The following PCDHA1 variants were observed in gnomAD, a reference collection of about 807,000 sequenced individuals.
PCDHA1 encodes protocadherin alpha 1.
In PCDHA1, 42 loss-of-function variants were observed where a neutral mutation model predicts 61.3. The observed-to-expected ratio is 0.69, with a 90% CI of 0.54 to 0.89. PCDHA1 has a LOEUF of 0.89. PCDHA1 is among the 40% of genes least tolerant of loss of function. PCDHA1 has a pLI of 0.00. For missense variants in PCDHA1, 1,256 were observed against 1,235.3 expected (o/e 1.02, Z -0.25); for synonymous variants, 610 against 553.8 (o/e 1.10, Z -1.43).
At chr5:140,990,862 AT>A (rs2097420167) in intron 3 of PCDHA1, among the ~76,000 whole-genome samples, 1 of 152,198 alleles carries the variant, frequency 6.6e-6, no homozygotes, top group Non-Finnish European at 1.5e-5. Flanking sequence ...AGGACATTGT[AT>A]TTTAAGTGTA....
chr5:140,902,555 T>C (rs538054274), intron 1 of PCDHA1, among the ~76,000 whole-genome samples: 1 of 152,182 alleles, frequency 6.6e-6, no homozygotes, highest in Non-Finnish European at 1.5e-5. Flanking sequence ...TATACCCAGA[T>C]TTTTGAGGGT....
At chr5:140,846,383 T>C (rs1416297479) in intron 1 of PCDHA1, among the ~76,000 whole-genome samples, 1 of 137,386 alleles carries the variant, frequency 7.3e-6, no homozygotes, top group African/African-American at 2.6e-5. Flanking sequence ...CTTTTTTTTT[T>C]TTTTTTTTTG....
chr5:140,984,981 A>G (rs2097130201), intron 3 of PCDHA1, among the ~76,000 whole-genome samples: 1 of 151,972 alleles, frequency 6.6e-6, no homozygotes, highest in South Asian at 2.1e-4. Flanking sequence ...TCTGTCCCCC[A>G]GGCTGGAGTC....
intron 1 of PCDHA1, chr5:140,814,031 T>G (rs1554126362): frequency 6.5e-6 from 1 of 153,106 alleles, no homozygotes; most frequent in East Asian, 1.9e-4. Flanking sequence ...TAAATTAACC[T>G]TAGCTTACTG....
intron 1 of PCDHA1, among the ~76,000 whole-genome samples, chr5:140,902,484 G>T (rs1211102117): frequency 3.3e-5 from 5 of 152,096 alleles, no homozygotes; most frequent in African/African-American, 1.2e-4. Context: ...TGCCTGCTCA[G>T]TATGATACTA....
intron 1 of PCDHA1, chr5:140,851,862 A>G: frequency 2.0e-6 from 2 of 976,238 alleles, no homozygotes; most frequent in Non-Finnish European, 2.5e-6. Context: ...CAGCTCATAC[A>G]TAACACAAGG....
At chr5:140,875,600 C>A (rs2055640130) in intron 1 of PCDHA1, 5 of 1,613,766 alleles carry the variant, frequency 3.1e-6, no homozygotes, top group African/African-American at 1.3e-5. Flanking sequence ...AAACACGGCA[C>A]CTTCGTGGGC....
rs1554117644 is a variant in PCDHA1 at position 140,787,040 on chromosome 5, C to T, written c.750C>T (p.His250=). 1 of 1,614,086 alleles carries T rather than the reference C, an allele frequency of 6.2e-7. No homozygotes were observed. The highest frequency in any genetic ancestry group is 1.3e-5 in the African/African-American group (1 of 74,938). ...PLFDQAVYRV[H]LLETTANGTL... ...TTGACCAGGCCGTATACAGAGTCCA[C>T]TTGTTAGAGACTACAGCAAATGGAA... Residue 250 remains histidine, a synonymous_variant, in exon 1 of 4, where the codon CAC becomes CAT. Transcript: ENST00000504120.
chr5:140,964,949 G>A (rs1322269042), intron 1 of PCDHA1, among the ~76,000 whole-genome samples: 1 of 152,226 alleles, frequency 6.6e-6, no homozygotes, highest in Non-Finnish European at 1.5e-5. Flanking sequence ...TAGTGAGTGT[G>A]CTTGGTTGGT....
intron 1 of PCDHA1, chr5:140,930,181 T>C (rs1170637205): frequency 2.0e-5 from 3 of 152,216 alleles, no homozygotes; most frequent in African/African-American, 7.2e-5. Flanking sequence ...AGAGGAAAGA[T>C]GAGTAATTTT....
chr5:140,786,433 T>C lies in PCDHA1; in HGVS notation c.143T>C (p.Val48Ala), dbSNP rs1562127539. 3.1e-6 allele frequency: 5 copies of C among 1,613,364 alleles called. No individual in the cohort carries two copies. In the Admixed American group the frequency reaches 6.7e-5, roughly 22 times the overall value. Residue 48 changes from valine (V) to alanine (A), a missense_variant, in exon 1 of 4, where the codon GTT (valine) becomes GCT (alanine). Transcript: ENST00000504120. Reference sequence around the variant, plus strand: ...AAACACGGCACCTTCGTTGGCCGCGTTGCTCAGGACCTGGGACTGGAGCTG... The same window carrying C: ...AAACACGGCACCTTCGTTGGCCGCGCTGCTCAGGACCTGGGACTGGAGCTG... ...EAKHGTFVGR[V>A]AQDLGLELAE...
chr5:140,803,257 C>G (rs782417260), intron 1 of PCDHA1: 1 of 1,613,906 alleles, frequency 6.2e-7, no homozygotes, highest in South Asian at 1.1e-5. Context: ...GCTGGCGCCA[C>G]GGGCCCGGAA....
rs1554181471 is a variant in PCDHA1, at chr5:140,884,352, A to G, written c.2395-94597A>G. ...GTGGGTCCAGAAGCGGCGCTGGTGG[A>G]TGTCAATGTTTACTTGATCATTGCC... is the stretch of plus-strand genomic sequence containing the variant. On this transcript the variant is annotated intron_variant, in intron 1 of 3. Transcript: ENST00000504120. The G allele has an allele frequency of 2.5e-6, 4 of 1,613,710 alleles. No individual in the cohort carries two copies. The Admixed American group carries it at 5.0e-5, about 20-fold the overall frequency.
chr5:140,835,821 G>C (rs2150245813), intron 1 of PCDHA1: 5 of 1,612,596 alleles, frequency 3.1e-6, no homozygotes, highest in Admixed American at 1.7e-5. Context: ...TGTGTCGGCG[G>C]GGGACGCGGA....
At chr5:140,828,431 C>A in intron 1 of PCDHA1, 1 of 1,614,244 alleles carries the variant, frequency 6.2e-7, no homozygotes, top group Non-Finnish European at 8.5e-7. Context: ...GGACAGGCCG[C>A]TGCAGGTTTT....
intron 1 of PCDHA1, chr5:140,928,323 T>C: frequency 1.2e-6 from 2 of 1,614,178 alleles, no homozygotes; most frequent in Non-Finnish European, 1.7e-6. Context: ...TGGGGAAGAA[T>C]GGCCTTGTCT....
intron 1 of PCDHA1, among the ~76,000 whole-genome samples, chr5:140,934,646 T>C (rs1554210032): frequency 6.6e-6 from 1 of 152,116 alleles, no homozygotes; most frequent in African/African-American, 2.4e-5. Flanking sequence ...GCAGGATAAA[T>C]GTTTGATTCT....
intron 1 of PCDHA1, among the ~76,000 whole-genome samples, chr5:140,917,333 G>C (rs1301739777): frequency 6.7e-5 from 10 of 148,748 alleles, no homozygotes; most frequent in East Asian, 2.0e-4. Flanking sequence ...GCGGGGGAGG[G>C]GGGGGATGGT....
intron 1 of PCDHA1, chr5:140,808,490 C>T (rs782787343): frequency 1.9e-6 from 3 of 1,614,172 alleles, no homozygotes; most frequent in South Asian, 2.2e-5. Flanking sequence ...CTCGCCTTCG[C>T]TGTGGGCCAC....
Sources: allele counts gnomAD v4.1 joint callset (sites outside exome capture counted in the v4.1 genomes callset), GRCh38; gene constraint gnomAD v4.1.1; transcripts MANE v1.5; gene names NCBI Gene and HGNC (gene_info 2026-07-23, HGNC 2026-07-21).